KRT86: variants seen among roughly 807,000 people sequenced by gnomAD.
KRT86 encodes the protein keratin, type II cuticular Hb6.
A neutral mutation model predicts 41.2 loss-of-function variants in KRT86; 30 were observed. The observed-to-expected ratio is 0.73, with a 90% CI of 0.54 to 0.99. The LOEUF is 0.99. Among genes scored for constraint, KRT86 ranks in the 50% least tolerant of loss-of-function variants. The pLI is 0.00. For synonymous variants in KRT86, 238 were observed against 238.1 expected, an observed-to-expected ratio of 1.00 and a Z score of 0.00; for missense variants, 561 against 571.4, an observed-to-expected ratio of 0.98 and a Z score of 0.19.
At chr12:52,284,033 C>T (rs545656934) in intron 2 of KRT86, among the ~76,000 whole-genome samples, 1 of 152,136 alleles carries the variant, frequency 6.6e-6, no homozygotes, top group East Asian at 1.9e-4. Context: ...GAGTGAAATA[C>T]GGCAGGTCAC....
At chr12:52,305,100 G>A (rs1938474943) in intron 6 of KRT86, 73 bp downstream of exon 6, 1 of 1,608,142 alleles carries the variant, frequency 6.2e-7, no homozygotes, top group South Asian at 1.1e-5. Flanking sequence ...GTGTTGGACA[G>A]GATGTGGGTA....
chr12:52,281,428 G>A (rs969167069), intron 2 of KRT86, among the ~76,000 whole-genome samples: 2 of 152,212 alleles, frequency 1.3e-5, no homozygotes, highest in Non-Finnish European at 1.5e-5. Flanking sequence ...AGATGTGATG[G>A]GGTTGAGGCT....
In KRT86 at chr12:52,305,409, G is replaced by C; in HGVS notation, c.900+5G>C. On this transcript the variant is annotated splice_donor_5th_base_variant and intron_variant, in intron 7 of 10. Transcript: ENST00000423955. ...GAGTCCTGGTACCGCAGCAAGGTGA[G>C]TGGCACAGGACACCTGCCTGCTAGA... 1 of 1,614,176 alleles carries C rather than the reference G, an allele frequency of 6.2e-7. No individual in the cohort carries two copies. Among genetic ancestry groups the C allele is most frequent in the Non-Finnish European group, 8.5e-7 (1 of 1,179,998 alleles).
chr12:52,281,980 A>C (rs1937782982), intron 2 of KRT86, among the ~76,000 whole-genome samples: 1 of 152,138 alleles, frequency 6.6e-6, no homozygotes, highest in Admixed American at 6.5e-5. Context: ...GCCTCAAGCA[A>C]TCCTCCTGCC....
intron 2 of KRT86, among the ~76,000 whole-genome samples, chr12:52,298,126 GT>G (rs1299977961): frequency 6.6e-6 from 1 of 152,162 alleles, no homozygotes; most frequent in Non-Finnish European, 1.5e-5. Context: ...CAGTAGTATG[GT>G]TACCCAAGGA....
At chr12:52,296,855 C>T (rs1938262746) in intron 2 of KRT86, among the ~76,000 whole-genome samples, 1 of 152,234 alleles carries the variant, frequency 6.6e-6, no homozygotes, top group African/African-American at 2.4e-5. Context: ...CCTCTGGAGA[C>T]CTGTAAGCCC....
intron 2 of KRT86, among the ~76,000 whole-genome samples, chr12:52,292,611 C>T (rs1018184015): frequency 2.0e-5 from 3 of 152,162 alleles, no homozygotes; most frequent in Admixed American, 1.3e-4. Context: ...TCAGCAGCTA[C>T]CTGTAAGTAG....
intron 2 of KRT86, among the ~76,000 whole-genome samples, chr12:52,298,414 A>C (rs1014028541): frequency 3.3e-5 from 5 of 152,226 alleles, no homozygotes; most frequent in African/African-American, 1.2e-4. Context: ...CAAGTTCTTT[A>C]AGATAAGGCG....
intron 2 of KRT86, among the ~76,000 whole-genome samples, chr12:52,284,971 G>T (rs965751202): frequency 6.6e-6 from 1 of 152,174 alleles, no homozygotes; most frequent in Non-Finnish European, 1.5e-5. Context: ...GTAATAAGAG[G>T]TTGGCCATAA....
Position 52,305,694 on chromosome 12 carries a change from A to T in KRT86, c.932A>T (p.His311Leu), listed in dbSNP as rs1363401374. ...CEEMKATVIR[H>L]GETLRRTKEE... is the part of the protein sequence containing the mutation. ...GAGATGAAGGCCACGGTGATCAGGCACGGGGAGACCCTGCGCCGCACCAAG... is the reference window on the plus strand; with the variant it reads ...GAGATGAAGGCCACGGTGATCAGGCTCGGGGAGACCCTGCGCCGCACCAAG... The change falls in exon 8 of 11, where the codon CAC (histidine) becomes CTC (leucine). Residue 311 changes from histidine (H) to leucine (L), a missense_variant. Physicochemically the swap from His to Leu is moderately conservative, Grantham distance 99. This residue lies in a region of KRT86 where 397 missense variants were observed against 375.9 expected (regional missense o/e 1.06). Coordinates refer to ENST00000423955, the MANE Select transcript of KRT86 (RefSeq NM_001320198.2). 1 of 1,613,978 alleles carries T rather than the reference A, an allele frequency of 6.2e-7. No individual in the cohort carries two copies. Among genetic ancestry groups the T allele is most frequent in the African/African-American group, 1.3e-5 (1 of 74,932 alleles).
intron 2 of KRT86, among the ~76,000 whole-genome samples, chr12:52,292,666 ATTTATTTTTAT>A (rs1938157341): frequency 6.6e-6 from 1 of 151,880 alleles, no homozygotes; most frequent in South Asian, 2.1e-4. Flanking sequence ...CTTCTTTATT[ATTTATTTTTAT>A]TTTATTTATT....
chr12:52,288,721 G>A (rs1938049169), intron 2 of KRT86, among the ~76,000 whole-genome samples: 1 of 151,916 alleles, frequency 6.6e-6, no homozygotes, highest in East Asian at 1.9e-4. Flanking sequence ...TCCTGCTCCA[G>A]GAAGCCTGCC....
At chr12:52,288,079 G>A in intron 2 of KRT86, 1 of 1,614,190 alleles carries the variant, frequency 6.2e-7, no homozygotes, top group Non-Finnish European at 8.5e-7. Context: ...TCCATGTTCA[G>A]GTCCCGGCTG....
intron 9 of KRT86, 156 bp from the exon 10 acceptor site, chr12:52,308,077 G>C: frequency 1.1e-6 from 1 of 869,806 alleles, no homozygotes; most frequent in Admixed American, 2.4e-5. Flanking sequence ...CCCTCACGGT[G>C]ACCCGAGTCT....
At chr12:52,292,548 C>G (rs1938152452) in intron 2 of KRT86, among the ~76,000 whole-genome samples, 1 of 152,188 alleles carries the variant, frequency 6.6e-6, no homozygotes, top group Non-Finnish European at 1.5e-5. Context: ...TTAGTAAAAA[C>G]TAAATAAGTT....
intron 2 of KRT86, among the ~76,000 whole-genome samples, chr12:52,301,654 A>T (rs550872600): frequency 2.6e-4 from 40 of 152,252 alleles, no homozygotes; most frequent in African/African-American, 9.4e-4. Context: ...CCTTTGAAGA[A>T]GAAAACTGCA....
rs999405592 is a variant in KRT86, at chr12:52,306,296, C to T, written c.1247+16C>T. The T allele has an allele frequency of 6.2e-7, 1 of 1,613,092 alleles. No homozygotes were observed. Among genetic ancestry groups the T allele is most frequent in the Non-Finnish European group, 8.5e-7 (1 of 1,180,016 alleles). ...AGGAGCAGAGGTGGGTCCCATAGAC[C>T]TTTCCCTTTCCCAGCCCTGCCAGGG... On this transcript the variant is annotated intron_variant, in intron 9 of 10. Transcript: ENST00000423955.
At chr12:52,291,164 C>T in intron 2 of KRT86, 1 of 1,156,436 alleles carries the variant, frequency 8.6e-7, no homozygotes, top group African/African-American at 1.8e-5. Context: ...CTGCTTCACG[C>T]ACTGCGCGTT....
At position 52,287,400 on chromosome 12, in the gene KRT86, C is replaced by G. The variant is rs1937982328; in HGVS notation, c.-5+11454C>G. 5.0e-6 allele frequency: 8 copies of G among 1,588,028 alleles called. 1 individual carries two copies. Among genetic ancestry groups the G allele is most frequent in the South Asian group, 2.3e-5 (2 of 88,720 alleles). On this transcript the variant is annotated intron_variant, in intron 2 of 10. Transcript: ENST00000423955. ...GCTCATCCAAATGAGACCACACTCC[C>G]CACCAAGCTGGGAGCACCCCAGAAC...
Sources: allele counts gnomAD v4.1 joint callset (sites outside exome capture counted in the v4.1 genomes callset), GRCh38; gene constraint gnomAD v4.1.1; regional missense constraint gnomAD v4.1.1; transcripts MANE v1.5; gene names NCBI Gene and HGNC (gene_info 2026-07-23, HGNC 2026-07-21).